The following PRR33 variants were observed in gnomAD, a reference collection of about 807,000 sequenced individuals.
PRR33 encodes the protein proline-rich protein 33.
PRR33 carries 1 observed loss-of-function variant against 0.5 expected under a neutral mutation model. The ratio of observed to expected loss-of-function variants is 2.18; its 90% CI spans 0.77 to 10.34. The LOEUF (loss-of-function observed/expected upper bound fraction) is 10.34, where lower values mean the gene tolerates loss of function less well. PRR33 is among the 30% of genes most tolerant of loss of function. PRR33 has a pLI of 0.13. For missense variants in PRR33, 552 were observed against 251.8 expected (o/e 2.19, Z -8.07); for synonymous variants, 226 against 110.0 (o/e 2.06, Z -6.60).
At chr11:1,893,665 T>G (rs1589839741), upstream of PRR33, among the ~76,000 whole-genome samples, 5 of 129,682 alleles carry the variant, frequency 3.9e-5, no homozygotes, top group Non-Finnish European at 8.4e-5. Flanking sequence ...AAGGGATGGG[T>G]AGGTGGTTGG....
the PRR33 span, chr11:1,907,950 A>T: frequency 3.9e-5 from 6 of 152,300 alleles, no homozygotes; most frequent in East Asian, 1.2e-3. Context: ...TGGAATGAGG[A>T]TCCGTGTTAC....
chr11:1,906,148 T>C, the PRR33 span, among the ~76,000 whole-genome samples: 2 of 151,980 alleles, frequency 1.3e-5, no homozygotes, highest in African/African-American at 4.8e-5. Context: ...AATAGGGGAG[T>C]TTAGCCCATT....
the PRR33 span, among the ~76,000 whole-genome samples, chr11:1,915,685 CTGTG>C: frequency 2.5e-3 from 2 of 804 alleles, no homozygotes; most frequent in African/African-American, 4.1e-3. Context: ...GGTGATGTTT[CTGTG>C]TGTGTGTGTG....
the PRR33 span, among the ~76,000 whole-genome samples, chr11:1,897,694 C>T: frequency 6.6e-6 from 1 of 152,172 alleles, no homozygotes. The surrounding 1 kb of genome is among the most constrained non-coding windows in gnomAD (Gnocchi z 4.0). Context: ...TCAGTCACCG[C>T]CACTTCCAGC....
At chr11:1,901,424 C>T in the PRR33 span, among the ~76,000 whole-genome samples, 1 of 151,938 alleles carries the variant, frequency 6.6e-6, no homozygotes, top group Non-Finnish European at 1.5e-5. Context: ...TTATCAGATA[C>T]ATGTCATACA....
the PRR33 span, among the ~76,000 whole-genome samples, chr11:1,911,547 A>G: frequency 1.3e-5 from 2 of 150,518 alleles, no homozygotes; most frequent in Admixed American, 6.6e-5. Flanking sequence ...CTTCCTGAGT[A>G]GCTGGGATCA....
exon 1 of PRR33, chr11:1,890,213 T>A (rs1848936156): frequency 2.8e-6 from 2 of 716,048 alleles, no homozygotes; most frequent in Non-Finnish European, 2.6e-6. Flanking sequence ...GCAGGGGTGA[T>A]GCCACGTGGT....
the PRR33 span, among the ~76,000 whole-genome samples, chr11:1,907,110 A>G: frequency 6.6e-6 from 1 of 151,950 alleles, no homozygotes; most frequent in African/African-American, 2.4e-5. Flanking sequence ...TGTGTTGTGT[A>G]TTTTGTCTGT....
At chr11:1,890,357 C>T (rs1848946557) in exon 1 of PRR33, 1 of 716,106 alleles carries the variant, frequency 1.4e-6, no homozygotes, top group Non-Finnish European at 2.6e-6. Context: ...CTGTGACCTC[C>T]TGGTCATGGC....
chr11:1,905,433 CTTTTT>C, the PRR33 span, among the ~76,000 whole-genome samples: 3 of 97,882 alleles, frequency 3.1e-5, no homozygotes, highest in Non-Finnish European at 4.0e-5. Flanking sequence ...GGCCTTCTCT[CTTTTT>C]TTTTTTTTTT....
At chr11:1,914,960 G>T in the PRR33 span, among the ~76,000 whole-genome samples, 2 of 149,054 alleles carry the variant, frequency 1.3e-5, no homozygotes. Flanking sequence ...TGGGGATGAT[G>T]TTTGTGTATG....
At chr11:1,894,077 T>TGTGTGTGA (rs1491211173), upstream of PRR33, among the ~76,000 whole-genome samples, 22 of 3,946 alleles carry the variant, frequency 5.6e-3, no homozygotes, top group African/African-American at 0.019. Flanking sequence ...TGTGTGTGTG[T>TGTGTGTGA]GATAGGGCCT....
the PRR33 span, among the ~76,000 whole-genome samples, chr11:1,897,313 T>C: frequency 6.6e-6 from 1 of 152,242 alleles, no homozygotes; most frequent in Non-Finnish European, 1.5e-5. The surrounding 1 kb of genome is among the most constrained non-coding windows in gnomAD (Gnocchi z 4.0). Context: ...CCATTGTAAA[T>C]GTACTTGTTT....
chr11:1,913,412 C>T, the PRR33 span, among the ~76,000 whole-genome samples: 636 of 152,082 alleles, frequency 4.2e-3, 9 homozygotes, highest in African/African-American at 0.015. Flanking sequence ...TCCCAAAGTC[C>T]TGGGATTACA....
the PRR33 span, among the ~76,000 whole-genome samples, chr11:1,905,433 CTTTT>C: frequency 2.3e-4 from 23 of 97,892 alleles, no homozygotes; most frequent in African/African-American, 6.9e-4. Flanking sequence ...GGCCTTCTCT[CTTTT>C]TTTTTTTTTT....
upstream of PRR33, among the ~76,000 whole-genome samples, chr11:1,893,720 TG>T (rs1849082435): frequency 6.8e-6 from 1 of 147,516 alleles, no homozygotes; most frequent in African/African-American, 2.5e-5. Context: ...AATGAAGGGA[TG>T]GATGCATGGA....
the PRR33 span, among the ~76,000 whole-genome samples, chr11:1,914,582 C>CTGTGTG: frequency 7.8e-3 from 1,017 of 130,276 alleles, 8 homozygotes; most frequent in African/African-American, 0.022. Flanking sequence ...GGATGTTGCT[C>CTGTGTG]TGTGTGTGTG....
chr11:1,896,974 G>A, the PRR33 span, among the ~76,000 whole-genome samples: 3 of 152,212 alleles, frequency 2.0e-5, no homozygotes, highest in Admixed American at 6.5e-5. Flanking sequence ...ACCAAAATAG[G>A]TTCAGAGAGG....
At chr11:1,894,109 AGTGTGTGTGTGTTTGTGTGTATGT>A (rs1470066636), upstream of PRR33, among the ~76,000 whole-genome samples, 7 of 10,044 alleles carry the variant, frequency 7.0e-4, no homozygotes, top group African/African-American at 2.5e-3. Context: ...CCGGGCTGGG[AGTGTGTGTGTGTTTGTGTGTATGT>A]GTGTGTGTGA....
Sources: gnomAD v4.1 joint callset for allele counts (sites outside exome capture counted in the v4.1 genomes callset) on GRCh38, gnomAD v4.1.1 for gene constraint, Gnocchi (gnomAD v3.1) non-coding constraint, MANE v1.5 for transcripts, NCBI Gene and HGNC (gene_info 2026-07-23, HGNC 2026-07-21) for gene names.